Variants in ZNF845 observed in about 807,000 individuals in gnomAD.
The protein encoded by ZNF845 is zinc finger protein 845.
ZNF845 carries 59 observed loss-of-function variants against 76.1 expected under a neutral mutation model. The ratio of observed to expected loss-of-function variants is 0.78; its 90% CI spans 0.63 to 0.96. The LOEUF (loss-of-function observed/expected upper bound fraction) is 0.96, where lower values mean the gene tolerates loss of function less well. Among genes scored for constraint, ZNF845 ranks in the 40% least tolerant of loss-of-function variants. ZNF845 has a pLI of 0.00. For synonymous variants in ZNF845, 361 were observed against 386.9 expected (o/e 0.93, Z 0.78); for missense variants, 1,045 against 1,172.8 (o/e 0.89, Z 1.59).
At chr19:53,338,496 T>G (rs1163351321) in intron 1 of ZNF845, among the ~76,000 whole-genome samples, 1 of 151,840 alleles carries the variant, frequency 6.6e-6, no homozygotes, top group African/African-American at 2.4e-5. Context: ...GTCAGGGACC[T>G]GAGGGGCATG....
rs2147054162 is a variant in ZNF845, at chr19:53,356,716, T to C, written c.*3128T>C. 6.6e-6 allele frequency: 1 copy of C among 151,990 alleles called. No individual in the cohort carries two copies. Among genetic ancestry groups the C allele is most frequent in the Middle Eastern group, 3.4e-3 (1 of 294 alleles). The allele number at this position is 151,990 out of a possible 1,614,324, so 9.4% of individuals were successfully genotyped here. Reference sequence around the variant, plus strand: ...AGGCTAAGGTGGGCGGATCACGAGGTCAGGAGATCGAGACCATCCTGGCTA... The same window carrying C: ...AGGCTAAGGTGGGCGGATCACGAGGCCAGGAGATCGAGACCATCCTGGCTA... On this transcript the variant is annotated 3_prime_UTR_variant, in exon 4 of 4. Transcript: ENST00000458035.
chr19:53,335,688 G>A (rs1473364165), intron 1 of ZNF845, among the ~76,000 whole-genome samples: 3 of 151,906 alleles, frequency 2.0e-5, no homozygotes, highest in Admixed American at 6.6e-5. Flanking sequence ...TGCAATTTCC[G>A]CTTCCCAGGT....
At position 53,355,572 on chromosome 19, in the gene ZNF845, GGTGTGA is replaced by G. The variant is rs1568746167; in HGVS notation, c.*1986_*1991del. On this transcript the variant is annotated 3_prime_UTR_variant, in exon 4 of 4. Coordinates refer to ENST00000458035, the MANE Select transcript of ZNF845 (RefSeq NM_138374.3). ...GGACTTGCAAATTGCTGGGATTATG[GGTGTGA>G]GCCATGAGCCCGGCCCCAACAAATG... The G allele has an allele frequency of 6.6e-6, 1 of 152,126 alleles. No individual in the cohort carries two copies. Among genetic ancestry groups the G allele is most frequent in the East Asian group, 1.9e-4 (1 of 5,168 alleles). 9.4% of individuals were successfully genotyped at this position (152,126 alleles called of 1,614,324 possible).
intron 1 of ZNF845, among the ~76,000 whole-genome samples, chr19:53,334,112 C>T (rs2085195352): frequency 6.6e-6 from 1 of 152,224 alleles, no homozygotes; most frequent in South Asian, 2.1e-4. Context: ...GATTCCCGCC[C>T]TTGGCGCCTC....
chr19:53,342,620 C>T (rs546130636), intron 2 of ZNF845, among the ~76,000 whole-genome samples: 3 of 152,052 alleles, frequency 2.0e-5, no homozygotes, highest in East Asian at 1.9e-4. Context: ...GCAAATCTCG[C>T]GCGTCTGTAT....
chr19:53,334,114 T>G (rs7257499), intron 1 of ZNF845, among the ~76,000 whole-genome samples: 61,587 of 151,800 alleles, frequency 0.41, 12,570 homozygotes, highest in Non-Finnish European at 0.43. Flanking sequence ...TTCCCGCCCT[T>G]GGCGCCTCCC....
chr19:53,349,563 C>T (rs1250559019), intron 3 of ZNF845, among the ~76,000 whole-genome samples: 2 of 152,128 alleles, frequency 1.3e-5, no homozygotes, highest in East Asian at 1.9e-4. Context: ...CCACTGTGCC[C>T]GGCTGTGGCT....
chr19:53,348,949 TG>T (rs1325877123), intron 3 of ZNF845, among the ~76,000 whole-genome samples: 1 of 142,822 alleles, frequency 7.0e-6, no homozygotes, highest in African/African-American at 2.6e-5. Context: ...CTCCACCGCC[TG>T]GGTTCAAACG....
At chr19:53,336,255 T>C (rs1270276000) in intron 1 of ZNF845, among the ~76,000 whole-genome samples, 2 of 149,862 alleles carry the variant, frequency 1.3e-5, no homozygotes, top group Non-Finnish European at 3.0e-5. Flanking sequence ...TGGTGGCTCA[T>C]GCCTGTAATC....
intron 1 of ZNF845, 62 bp from the exon 2 acceptor site, chr19:53,341,173 A>G: frequency 7.3e-7 from 1 of 1,370,186 alleles, no homozygotes; most frequent in East Asian, 2.3e-5. Flanking sequence ...TGTATGTTTC[A>G]TTGTGTTAAC....
intron 1 of ZNF845, among the ~76,000 whole-genome samples, chr19:53,336,416 A>G (rs1164760673): frequency 2.0e-5 from 3 of 152,090 alleles, no homozygotes; most frequent in South Asian, 4.1e-4. Context: ...AGCCTGAGGC[A>G]TGAGAATCAC....
intron 3 of ZNF845, 109 bp downstream of exon 3, chr19:53,345,741 G>T: frequency 6.4e-7 from 1 of 1,556,896 alleles, no homozygotes; most frequent in South Asian, 1.2e-5. Flanking sequence ...GGAGTGAAAT[G>T]GTGTGATCAT....
In ZNF845 at chr19:53,353,315, T is replaced by C; in HGVS notation, c.2640T>C (p.Leu880=). 6.2e-7 allele frequency: 1 copy of C among 1,613,724 alleles called. No homozygotes were observed. The highest frequency in any genetic ancestry group is 8.5e-7 in the Non-Finnish European group (1 of 1,179,820). ...RKANLSRHHR[L]HTGEKPYKCN... ...CAAACCTTTCACGTCATCATAGACT[T>C]CATACTGGAGAGAAACCTTACAAGT... is the stretch of plus-strand genomic sequence containing the variant. Residue 880 remains leucine (L), a synonymous_variant, in exon 4 of 4, where the codon CTT becomes CTC. Transcript: ENST00000458035.
rs1015865078 is a variant in ZNF845, at chr19:53,354,397, G to T, written c.*809G>T. 11 of 290,880 alleles carry T rather than the reference G, an allele frequency of 3.8e-5. No homozygotes were observed. Among genetic ancestry groups the T allele is most frequent in the Non-Finnish European group, 7.7e-5 (11 of 143,302 alleles). The allele number at this position is 290,880 out of a possible 1,614,324, so 18.0% of individuals were successfully genotyped here. ...TTATGTTAAGAAGATTGGGCCAGGC[G>T]GGGTGGCTCACGCCTGTAATCCCAG... On this transcript the variant is annotated 3_prime_UTR_variant, in exon 4 of 4. Transcript: ENST00000458035.
chr19:53,352,436 C>A lies in ZNF845; in HGVS notation c.1761C>A (p.Val587=). Residue 587 remains valine (V), a synonymous_variant, in exon 4 of 4, where the codon GTC becomes GTA. Transcript: ENST00000458035. The part of the protein sequence containing the change: ...KLYKCNDCHQ[V]FSNATTIANH... ...ACAAATGTAATGATTGTCACCAAGT[C>A]TTTAGTAATGCTACAACCATTGCAA... 1.9e-6 allele frequency: 3 copies of A among 1,613,854 alleles called. No homozygotes were observed. The highest frequency in any genetic ancestry group is 1.7e-5 in the Admixed American group (1 of 60,000).
intron 1 of ZNF845, among the ~76,000 whole-genome samples, chr19:53,334,271 G>A (rs1430324477): frequency 1.3e-5 from 2 of 152,130 alleles, no homozygotes; most frequent in African/African-American, 4.8e-5. Context: ...GGGTGTTCTT[G>A]CCTGCCCTGC....
chr19:53,335,544 A>G (rs2085207436), intron 1 of ZNF845, among the ~76,000 whole-genome samples: 1 of 152,118 alleles, frequency 6.6e-6, no homozygotes, highest in African/African-American at 2.4e-5. Flanking sequence ...TACAGGTGGA[A>G]TTACAGAGAG....
At chr19:53,341,204 G>C (rs998673706) in intron 1 of ZNF845, 31 bp from the exon 2 acceptor site, 7 of 1,520,512 alleles carry the variant, frequency 4.6e-6, no homozygotes, top group Non-Finnish European at 6.4e-6. Context: ...TGTTGATTCT[G>C]AGCAATAAAC....
At position 53,356,518 on chromosome 19, in the gene ZNF845, A is replaced by G. The variant is rs150168930; in HGVS notation, c.*2930A>G. On this transcript the variant is annotated 3_prime_UTR_variant, in exon 4 of 4. Transcript: ENST00000458035. ...TCACCACTGCACTCCAGCCTGGGTG[A>G]CAGAGCTAGACCCTGTCTCAAACAA... 6.6e-6 allele frequency: 1 copy of G among 152,196 alleles called. No individual in the cohort carries two copies. Among genetic ancestry groups the G allele is most frequent in the African/African-American group, 2.4e-5 (1 of 41,420 alleles). The allele number at this position is 152,196 out of a possible 1,614,324, so 9.4% of individuals were successfully genotyped here.
Sources: gnomAD v4.1 joint callset for allele counts (sites outside exome capture counted in the v4.1 genomes callset) on GRCh38, gnomAD v4.1.1 for gene constraint, MANE v1.5 for transcripts, NCBI Gene and HGNC (gene_info 2026-07-23, HGNC 2026-07-21) for gene names.